DLGAP2: variants seen among roughly 807,000 people sequenced by gnomAD.
DLGAP2 encodes disks large-associated protein 2.
DLGAP2 carries 26 observed loss-of-function variants against 100.3 expected under a neutral mutation model. That is an observed-to-expected ratio of 0.26 (90% CI 0.19 to 0.36). The LOEUF (loss-of-function observed/expected upper bound fraction) is 0.36. Among genes scored for constraint, DLGAP2 ranks in the 10% least tolerant of loss-of-function variants. The probability of loss-of-function intolerance (pLI) is 1.00; values close to 1 mark genes in which losing one functional copy is unlikely to be tolerated. For missense variants in DLGAP2, 1,858 were observed against 1,453.2 expected (o/e 1.28, Z -4.53); for synonymous variants, 886 against 630.1 (o/e 1.41, Z -6.08).
At chr8:1,660,567 A>T (rs1394353076) in intron 8 of DLGAP2, among the ~76,000 whole-genome samples, 5 of 152,202 alleles carry the variant, frequency 3.3e-5, no homozygotes, top group Non-Finnish European at 5.9e-5. Flanking sequence ...GGAAGTTTTT[A>T]TGTGTATTGC....
At chr8:1,069,651 T>C (rs1198446685) in intron 2 of DLGAP2, among the ~76,000 whole-genome samples, 1 of 152,142 alleles carries the variant, frequency 6.6e-6, no homozygotes, top group Non-Finnish European at 1.5e-5. Context: ...TAGAGTATAA[T>C]ATATACTCCT....
rs759172816 is a variant in DLGAP2 at position 1,227,153 on chromosome 8, GATATAT to G, written c.74-31682_74-31677del. 9.5e-3 allele frequency among the ~76,000 whole-genome samples: 852 copies of G among 89,708 alleles called. 51 individuals carry two copies. The highest frequency in any genetic ancestry group is 0.015 in the Middle Eastern group (3 of 202). The allele number at this position is 89,708 out of a possible 152,430, so 58.9% of individuals were successfully genotyped here. Reference sequence around the variant, plus strand: ...AAATGAATGGGTAAGGAAACTGTGAGATATATATATATATATATATAGTATAGATAT... The same window carrying G: ...AAATGAATGGGTAAGGAAACTGTGAGATATATATATATATAGTATAGATAT... On this transcript the variant is annotated intron_variant, in intron 2 of 14. Transcript: ENST00000637795.
intron 3 of DLGAP2, among the ~76,000 whole-genome samples, chr8:1,497,900 C>G (rs1241131075): frequency 6.6e-6 from 1 of 152,146 alleles, no homozygotes; most frequent in Non-Finnish European, 1.5e-5. Context: ...TATTCTGAGC[C>G]AAAGATGAAT....
intron 3 of DLGAP2, among the ~76,000 whole-genome samples, chr8:1,277,624 A>G (rs936294512): frequency 1.3e-5 from 2 of 152,340 alleles, no homozygotes; most frequent in South Asian, 2.1e-4. Flanking sequence ...GTATCGAAGT[A>G]TCAGCCAGGC....
chr8:887,627 T>G (rs922824537), intron 1 of DLGAP2, among the ~76,000 whole-genome samples: 3 of 152,188 alleles, frequency 2.0e-5, no homozygotes, highest in Non-Finnish European at 2.9e-5. Flanking sequence ...CTCCTTCACT[T>G]ATGAAGCTTA....
At chr8:1,426,173 C>T (rs577676499) in intron 3 of DLGAP2, among the ~76,000 whole-genome samples, 51 of 152,308 alleles carry the variant, frequency 3.3e-4, no homozygotes, top group African/African-American at 1.2e-3. Flanking sequence ...AGCAGGACAA[C>T]TGTGAACTGA....
rs993627646 is a variant in DLGAP2 at position 1,702,842 on chromosome 8, C to T, written c.*1436C>T. ...TTCTCATTATTACTCAAAGTAAAAG[C>T]GGACTGCGATTTAAGATGTTTCCAC... On this transcript the variant is annotated 3_prime_UTR_variant, in exon 15 of 15. Transcript: ENST00000637795. 6.5e-6 allele frequency: 1 copy of T among 152,748 alleles called. No individual in the cohort carries two copies. 9.5% of individuals were successfully genotyped at this position (152,748 alleles called of 1,614,324 possible).
chr8:1,032,764 T>G (rs75261541), intron 2 of DLGAP2: 1 of 152,226 alleles, frequency 6.6e-6, no homozygotes, highest in Non-Finnish European at 1.5e-5. Flanking sequence ...AAATGAGATG[T>G]GTTCCTGTGT....
intron 2 of DLGAP2, among the ~76,000 whole-genome samples, chr8:1,108,250 C>G (rs201163341): frequency 6.6e-6 from 1 of 152,306 alleles, no homozygotes; most frequent in Middle Eastern, 3.4e-3. Flanking sequence ...GGTTTCCAAA[C>G]TCAGTATGTG....
intron 3 of DLGAP2, among the ~76,000 whole-genome samples, chr8:1,272,122 G>A (rs1057029690): frequency 1.4e-4 from 21 of 152,172 alleles, no homozygotes; most frequent in Non-Finnish European, 3.1e-4. Context: ...AGCCTAGAAT[G>A]ATTTCATTAT....
At chr8:1,259,871 G>A (rs1339879793) in intron 3 of DLGAP2, 1 of 152,236 alleles carries the variant, frequency 6.6e-6, no homozygotes. Flanking sequence ...GGTGGTTAAG[G>A]GAAGTATGAC....
chr8:1,505,325 G>C (rs752018137), intron 4 of DLGAP2, among the ~76,000 whole-genome samples: 41 of 152,308 alleles, frequency 2.7e-4, no homozygotes, highest in South Asian at 1.2e-3. Context: ...GCACAGTATA[G>C]GTTAAAGTCA....
chr8:1,695,257 G>A (rs1585072233), intron 13 of DLGAP2, among the ~76,000 whole-genome samples: 1 of 151,404 alleles, frequency 6.6e-6, no homozygotes, highest in Admixed American at 6.6e-5. Flanking sequence ...AGAAACAGGG[G>A]GCACAGCCAT....
intron 2 of DLGAP2, among the ~76,000 whole-genome samples, chr8:1,229,616 A>G (rs529197763): frequency 2.0e-4 from 30 of 152,218 alleles, no homozygotes; most frequent in African/African-American, 7.2e-4. Flanking sequence ...ACAGATGCAA[A>G]CATTCTTAAC....
chr8:1,153,584 T>C (rs532106783), intron 2 of DLGAP2, among the ~76,000 whole-genome samples: 1 of 152,130 alleles, frequency 6.6e-6, no homozygotes, highest in Admixed American at 6.6e-5. Flanking sequence ...TTCATTAGAG[T>C]AAAATTATCA....
intron 13 of DLGAP2, among the ~76,000 whole-genome samples, chr8:1,695,806 C>T (rs1799382968): frequency 6.6e-6 from 1 of 152,376 alleles, no homozygotes; most frequent in Admixed American, 6.5e-5. Context: ...CCTGGCATCC[C>T]TCGACTGACT....
rs953108396 is a variant in DLGAP2 at position 1,096,086 on chromosome 8, C to G, written c.74-162765C>G. On this transcript the variant is annotated intron_variant, in intron 2 of 14. Transcript: ENST00000637795. ...TTGTTTGTTCAGAGATGACGTTGCC[C>G]TAAATTATTTTTCCATTTACATCAC... is the stretch of plus-strand genomic sequence containing the variant. Among the ~76,000 whole-genome samples, 10 of 152,138 alleles carry G rather than the reference C, an allele frequency of 6.6e-5. No individual in the cohort carries two copies. In the South Asian group the frequency reaches 8.3e-4, roughly 13 times the overall value.
At chr8:1,491,734 G>A (rs969427863) in intron 3 of DLGAP2, among the ~76,000 whole-genome samples, 1 of 152,198 alleles carries the variant, frequency 6.6e-6, no homozygotes, top group African/African-American at 2.4e-5. Flanking sequence ...ATTTCCTCTT[G>A]AAGTTAGCAG....
At chr8:1,444,838 G>C (rs1797938647) in intron 3 of DLGAP2, among the ~76,000 whole-genome samples, 1 of 141,812 alleles carries the variant, frequency 7.1e-6, no homozygotes, top group African/African-American at 2.7e-5. Context: ...GGAGTGCAGT[G>C]GCGTGACCTC....
Sources: allele counts gnomAD v4.1 joint callset (sites outside exome capture counted in the v4.1 genomes callset), GRCh38; gene constraint gnomAD v4.1.1; transcripts MANE v1.5; gene names NCBI Gene and HGNC (gene_info 2026-07-23, HGNC 2026-07-21).